RNF38: variants seen among roughly 807,000 people sequenced by gnomAD.
The protein encoded by RNF38 is E3 ubiquitin-protein ligase RNF38.
A neutral mutation model predicts 67.2 loss-of-function variants in RNF38; 15 were observed. The observed-to-expected ratio is 0.22, with a 90% CI of 0.15 to 0.34. RNF38 has a LOEUF of 0.34. RNF38 is among the 10% of genes least tolerant of loss of function. The probability of loss-of-function intolerance (pLI) is 1.00; values close to 1 mark genes in which losing one functional copy is unlikely to be tolerated. For missense variants in RNF38, 524 were observed against 639.9 expected (o/e 0.82, Z 1.95); for synonymous variants, 220 against 218.8 (o/e 1.01, Z -0.05).
chr9:36,420,047 G>C (rs1432425221), intron 2 of RNF38, among the ~76,000 whole-genome samples: 1 of 152,116 alleles, frequency 6.6e-6, no homozygotes, highest in East Asian at 1.9e-4. Flanking sequence ...CAGTTGAATG[G>C]GTGAAGTTAA....
chr9:36,348,754 C>T (rs1437413145), intron 9 of RNF38, among the ~76,000 whole-genome samples: 3 of 152,186 alleles, frequency 2.0e-5, no homozygotes, highest in African/African-American at 4.8e-5. Flanking sequence ...TTTATAACAA[C>T]GAAGTGCAAG....
At chr9:36,393,431 G>A (rs1837261434) in intron 1 of RNF38, among the ~76,000 whole-genome samples, 1 of 150,752 alleles carries the variant, frequency 6.6e-6, no homozygotes, top group South Asian at 2.1e-4. Flanking sequence ...TGATTAAAAT[G>A]AGGTACAATT....
intron 1 of RNF38, among the ~76,000 whole-genome samples, chr9:36,449,887 A>G (rs187768016): frequency 6.0e-4 from 92 of 152,296 alleles, no homozygotes; most frequent in African/African-American, 2.0e-3. Context: ...TAGTTCTGCT[A>G]TTTGATATAA....
chr9:36,438,768 G>C (rs1338200413), intron 1 of RNF38, among the ~76,000 whole-genome samples: 2 of 152,276 alleles, frequency 1.3e-5, no homozygotes, highest in East Asian at 3.9e-4. Flanking sequence ...AGCTGAATAG[G>C]TGAGAGACTT....
chr9:36,468,439 A>C (rs1839917298), intron 1 of RNF38, among the ~76,000 whole-genome samples: 2 of 152,212 alleles, frequency 1.3e-5, no homozygotes, highest in African/African-American at 4.8e-5. Context: ...GCAAAGAGCC[A>C]GGTAGAAAAG....
At chr9:36,389,987 T>C (rs1282676065) in intron 2 of RNF38, among the ~76,000 whole-genome samples, 1 of 152,246 alleles carries the variant, frequency 6.6e-6, no homozygotes, top group East Asian at 1.9e-4. Context: ...TTTCGAGTTT[T>C]CATTTTATAT....
intron 1 of RNF38, among the ~76,000 whole-genome samples, chr9:36,471,585 A>G (rs958331388): frequency 1.3e-5 from 2 of 152,184 alleles, no homozygotes; most frequent in Admixed American, 6.6e-5. Context: ...TGATCGCCTG[A>G]GCCCAGGAGT....
intron 2 of RNF38, among the ~76,000 whole-genome samples, chr9:36,381,944 T>C (rs1836242627): frequency 6.6e-6 from 1 of 152,204 alleles, no homozygotes; most frequent in Admixed American, 6.5e-5. Flanking sequence ...ATGCCAGTAG[T>C]TCTCAAACCT....
At chr9:36,402,879 A>C (rs375269898), upstream of RNF38, among the ~76,000 whole-genome samples, 8 of 152,216 alleles carry the variant, frequency 5.3e-5, no homozygotes, top group South Asian at 1.7e-3. Context: ...ATTTTGAGAC[A>C]CGGTGCTCTG....
chr9:36,384,032 T>C (rs912978172), intron 2 of RNF38, among the ~76,000 whole-genome samples: 9 of 152,140 alleles, frequency 5.9e-5, no homozygotes, highest in Non-Finnish European at 1.5e-5. Flanking sequence ...AGTATTTGAG[T>C]AACAGACTAG....
chr9:36,362,854 G>T (rs1255611072), intron 4 of RNF38, among the ~76,000 whole-genome samples: 1 of 150,504 alleles, frequency 6.6e-6, no homozygotes, highest in African/African-American at 2.4e-5. Context: ...GGATGGTCTC[G>T]ATCTCCTGAC....
At chr9:36,364,372 T>C (rs1238830320) in intron 4 of RNF38, among the ~76,000 whole-genome samples, 1 of 152,190 alleles carries the variant, frequency 6.6e-6, no homozygotes, top group African/African-American at 2.4e-5. Context: ...CATTAGTCTA[T>C]TAGTTTTTGA....
chr9:36,398,904 C>G (rs1311284493), intron 1 of RNF38, among the ~76,000 whole-genome samples: 1 of 152,156 alleles, frequency 6.6e-6, no homozygotes, highest in African/African-American at 2.4e-5. Flanking sequence ...ATTTCAGAAA[C>G]TTTTATCATA....
At chr9:36,436,655 C>T (rs540717414) in intron 1 of RNF38, among the ~76,000 whole-genome samples, 25 of 151,454 alleles carry the variant, frequency 1.7e-4, no homozygotes, top group African/African-American at 3.7e-4. Flanking sequence ...AACCCCTTCT[C>T]TACTAAAAAT....
At chr9:36,400,386 G>C (rs1837922023), upstream of RNF38, 3 of 1,164,206 alleles carry the variant, frequency 2.6e-6, no homozygotes, top group African/African-American at 1.6e-5. Flanking sequence ...GCAGCGGGCC[G>C]GCGGCTCCGC....
chr9:36,401,201 G>GGCGGC, upstream of RNF38: 1 of 947,930 alleles, frequency 1.1e-6, no homozygotes, highest in East Asian at 1.2e-4. Context: ...GGGGGAAGGG[G>GGCGGC]GCGGGGCGGG....
At chr9:36,408,987 G>C (rs920187820) in intron 2 of RNF38, among the ~76,000 whole-genome samples, 1 of 152,128 alleles carries the variant, frequency 6.6e-6, no homozygotes, top group Non-Finnish European at 1.5e-5. Context: ...AGGAGTTCGA[G>C]GCCAGCCTGG....
chr9:36,402,954 G>C (rs1336171075), upstream of RNF38, among the ~76,000 whole-genome samples: 2 of 152,092 alleles, frequency 1.3e-5, no homozygotes, highest in Non-Finnish European at 1.5e-5. Flanking sequence ...CTGGGCTCAG[G>C]CAATCCAGGC....
At chr9:36,395,767 T>C (rs907780054) in intron 1 of RNF38, among the ~76,000 whole-genome samples, 11 of 152,280 alleles carry the variant, frequency 7.2e-5, no homozygotes, top group African/African-American at 2.6e-4. Context: ...CACAGCACAA[T>C]AATAGCGACA....
Sources: gnomAD v4.1 joint callset for allele counts (sites outside exome capture counted in the v4.1 genomes callset) on GRCh38, gnomAD v4.1.1 for gene constraint, MANE v1.5 for transcripts, NCBI Gene and HGNC (gene_info 2026-07-23, HGNC 2026-07-21) for gene names.